The following KIAA0319 variants were observed in gnomAD, a reference collection of about 807,000 sequenced individuals.
KIAA0319 encodes the protein KIAA0319.
Under a neutral mutation model 108.4 loss-of-function variants are expected in KIAA0319, and 83 were observed. That is an observed-to-expected ratio of 0.77 (90% CI 0.64 to 0.92). The LOEUF is 0.92. Among genes scored for constraint, KIAA0319 ranks in the 40% least tolerant of loss-of-function variants. The pLI, the probability that KIAA0319 is intolerant of heterozygous loss-of-function variation, is 0.00. For synonymous variants in KIAA0319, 484 were observed against 510.4 expected (o/e 0.95, Z 0.70); for missense variants, 1,195 against 1,322.4 (o/e 0.90, Z 1.49).
At chr6:24,559,852 A>G (rs1461940240) in intron 16 of KIAA0319, among the ~76,000 whole-genome samples, 1 of 152,076 alleles carries the variant, frequency 6.6e-6, no homozygotes, top group African/African-American at 2.4e-5. Context: ...GACAATCCAC[A>G]CTCATTAGCA....
chr6:24,588,857 T>C (rs560589637), intron 3 of KIAA0319, 72 bp from the exon 4 acceptor site: 21 of 1,229,510 alleles, frequency 1.7e-5, no homozygotes, highest in South Asian at 8.2e-5. Flanking sequence ...AACTCAATGT[T>C]ACCAACCTTT....
Position 24,578,146 on chromosome 6 carries a change from C to T in KIAA0319, c.1469G>A (p.Arg490His), listed in dbSNP as rs754977435. 1.2e-5 allele frequency: 19 copies of T among 1,613,148 alleles called. No homozygotes were observed. Among genetic ancestry groups the T allele is most frequent in the East Asian group, 2.2e-5 (1 of 44,878 alleles). The change falls in exon 9 of 21, where the codon CGC becomes CAC. Residue 490 changes from arginine (R) to histidine (H), a missense_variant. By Grantham distance (29) the Arg-to-His change is conservative (BLOSUM62 0). Transcript: ENST00000378214. ...EKTSVDSPVL[R>H]LSNLDPGNYS... ...GTTACCAGGATCAAGGTTAGACAAGCGTAAGACGGGAGAGTCAACTGAAGT... is the reference window on the plus strand; with the variant it reads ...GTTACCAGGATCAAGGTTAGACAAGTGTAAGACGGGAGAGTCAACTGAAGT...
chr6:24,544,937 G>A lies in KIAA0319; in HGVS notation c.*2228C>T, dbSNP rs944002538. ...GGAAGGATCAGAGAGGCCAGGCTGA[G>A]ATGGCCAAGGACAGAAAAGGAGGAG... is the stretch of plus-strand genomic sequence containing the variant. On this transcript the variant is annotated 3_prime_UTR_variant, in exon 21 of 21. Coordinates refer to ENST00000378214, the MANE Select transcript of KIAA0319 (RefSeq NM_014809.4). 1 of 152,270 alleles carries A rather than the reference G, an allele frequency of 6.6e-6. No homozygotes were observed. Among genetic ancestry groups the A allele is most frequent in the African/African-American group, 2.4e-5 (1 of 41,452 alleles). The allele number at this position is 152,270 out of a possible 1,614,324, so 9.4% of individuals were successfully genotyped here.
downstream of KIAA0319, among the ~76,000 whole-genome samples, chr6:24,543,728 G>A (rs776248831): frequency 8.5e-5 from 13 of 152,134 alleles, no homozygotes; most frequent in Non-Finnish European, 5.9e-5. Flanking sequence ...TACCATGCCC[G>A]GCCCTCATTT....
At chr6:24,584,722 G>T (rs1767180844) in intron 4 of KIAA0319, among the ~76,000 whole-genome samples, 2 of 152,200 alleles carry the variant, frequency 1.3e-5, no homozygotes, top group South Asian at 4.1e-4. Flanking sequence ...GTTGTCCAAG[G>T]CTGTATGGTA....
rs1254900180 is a variant in KIAA0319 at position 24,579,505 on chromosome 6, ATATATATCT to A, written c.1372+344_1372+352del. Among the ~76,000 whole-genome samples the A allele has an allele frequency of 1.3e-3, 188 of 145,154 alleles. 2 individuals carry two copies. The highest frequency in any genetic ancestry group is 5.7e-3 in the East Asian group (29 of 5,102). On this transcript the variant is annotated intron_variant, in intron 8 of 20. Coordinates refer to ENST00000378214, the MANE Select transcript of KIAA0319 (RefSeq NM_014809.4). ...ATATCTCATATATCTTATATATCTCATATATATCTTATATATCTTATATATATATACATA... is the reference window on the plus strand; with the variant it reads ...ATATCTCATATATCTTATATATCTCATATATATCTTATATATATATACATA...
At chr6:24,598,310 A>G in intron 2 of KIAA0319, 1 of 669,768 alleles carries the variant, frequency 1.5e-6, no homozygotes. Flanking sequence ...CAGGAGAAGG[A>G]GCAGATCAAG....
chr6:24,578,783 T>C (rs1442037088), intron 8 of KIAA0319, among the ~76,000 whole-genome samples: 1 of 152,164 alleles, frequency 6.6e-6, no homozygotes, highest in Admixed American at 6.5e-5. Flanking sequence ...AATTTAGACC[T>C]GGAAAGGGGC....
intron 1 of KIAA0319, among the ~76,000 whole-genome samples, chr6:24,626,880 G>T (rs1774792004): frequency 6.6e-6 from 1 of 152,130 alleles, no homozygotes; most frequent in Non-Finnish European, 1.5e-5. Flanking sequence ...ATTTCCAGAA[G>T]CTAGGCGGCT....
At chr6:24,576,739 A>G (rs1041401109) in intron 9 of KIAA0319, 143 bp from the exon 10 acceptor site, 6 of 672,812 alleles carry the variant, frequency 8.9e-6, no homozygotes, top group Non-Finnish European at 1.6e-5. Context: ...GGGCCATAGA[A>G]GGAGACTCTG....
intron 1 of KIAA0319, among the ~76,000 whole-genome samples, chr6:24,636,828 T>C (rs1321083521): frequency 6.6e-6 from 1 of 152,156 alleles, no homozygotes; most frequent in African/African-American, 2.4e-5. Flanking sequence ...GAGATTATTG[T>C]TCTGATCATG....
chr6:24,617,489 T>TC (rs1773316704), intron 1 of KIAA0319, among the ~76,000 whole-genome samples: 1 of 151,726 alleles, frequency 6.6e-6, no homozygotes, highest in Non-Finnish European at 1.5e-5. Context: ...ATAAAGGATA[T>TC]CCCCAAAGGC....
At chr6:24,644,244 AG>A (rs1777322880) in intron 1 of KIAA0319, among the ~76,000 whole-genome samples, 1 of 74,664 alleles carries the variant, frequency 1.3e-5, no homozygotes, top group African/African-American at 6.7e-5. Context: ...TGGACAGGGG[AG>A]AGGGGGGGGT....
chr6:24,605,468 T>A (rs1445781478), intron 1 of KIAA0319, among the ~76,000 whole-genome samples: 1 of 152,188 alleles, frequency 6.6e-6, no homozygotes, highest in Non-Finnish European at 1.5e-5. Flanking sequence ...GCTTGCCTTT[T>A]GCCCACCTCA....
downstream of KIAA0319, among the ~76,000 whole-genome samples, chr6:24,541,410 CTTAA>C (rs572100603): frequency 0.012 from 1,878 of 152,332 alleles, 21 homozygotes; most frequent in Non-Finnish European, 0.017. Flanking sequence ...CTCATTTTAA[CTTAA>C]TTAATCACAT....
intron 17 of KIAA0319, among the ~76,000 whole-genome samples, chr6:24,558,258 C>A (rs1387672567): frequency 6.8e-6 from 1 of 148,040 alleles, no homozygotes; most frequent in Non-Finnish European, 1.5e-5. Context: ...CTAAGGCCAT[C>A]TCTACTAAAA....
At chr6:24,642,880 G>T (rs1777150769) in intron 1 of KIAA0319, among the ~76,000 whole-genome samples, 1 of 152,158 alleles carries the variant, frequency 6.6e-6, no homozygotes, top group African/African-American at 2.4e-5. Context: ...GCTAATTTTT[G>T]TATTTTTAGT....
At chr6:24,548,035 G>GA (rs936641996) in intron 20 of KIAA0319, among the ~76,000 whole-genome samples, 4 of 151,298 alleles carry the variant, frequency 2.6e-5, no homozygotes, top group Non-Finnish European at 4.4e-5. Flanking sequence ...CCTGTCTCGG[G>GA]AAAAAAAACA....
chr6:24,544,171 A>T lies in KIAA0319; in HGVS notation c.*2994T>A, dbSNP rs1284483625. The T allele has an allele frequency of 1.3e-5, 2 of 152,150 alleles. No individual in the cohort carries two copies. Among genetic ancestry groups the T allele is most frequent in the Non-Finnish European group, 2.9e-5 (2 of 68,034 alleles). 9.4% of individuals were successfully genotyped at this position (152,150 alleles called of 1,614,324 possible). On this transcript the variant is annotated 3_prime_UTR_variant, in exon 21 of 21. Transcript: ENST00000378214. ...ATGTCATATAGTTCACATGTTTCAA[A>T]TTTTTTTATTTATTTTTAACCATTT...
Sources: allele counts gnomAD v4.1 joint callset (sites outside exome capture counted in the v4.1 genomes callset), GRCh38; gene constraint gnomAD v4.1.1; transcripts MANE v1.5; gene names NCBI Gene and HGNC (gene_info 2026-07-23, HGNC 2026-07-21).